RBM33: variants seen among roughly 807,000 people sequenced by gnomAD.
The protein encoded by RBM33 is RNA-binding protein 33.
Under a neutral mutation model 132.6 loss-of-function variants are expected in RBM33, and 28 were observed. That is an observed-to-expected ratio of 0.21 (90% CI 0.16 to 0.29). The LOEUF is 0.29. Ranked by LOEUF, RBM33 falls within the 10% of genes least tolerant of loss-of-function variation. The probability of loss-of-function intolerance (pLI) is 1.00; values close to 1 mark genes in which losing one functional copy is unlikely to be tolerated. For missense variants in RBM33, 1,291 were observed against 1,518.5 expected, an observed-to-expected ratio of 0.85 and a Z score of 2.49; for synonymous variants, 634 against 593.0, an observed-to-expected ratio of 1.07 and a Z score of -1.01.
In RBM33 at chr7:155,672,848, C is replaced by A. The variant is rs371744336; in HGVS notation, c.123-19C>A. On this transcript the variant is annotated intron_variant, in intron 2 of 17. Coordinates refer to ENST00000401878, the MANE Select transcript of RBM33 (RefSeq NM_053043.3). ...CTTATGGGAATAATCATTGACATGT[C>A]TCTTTTTTTTCTCCCAAGTGAACTT... 5.2e-6 allele frequency: 8 copies of A among 1,532,506 alleles called. No homozygotes were observed. The highest frequency in any genetic ancestry group is 1.2e-5 in the South Asian group (1 of 82,898). The allele number at this position is 1,532,506 out of a possible 1,614,324, so 94.9% of individuals were successfully genotyped here. A position where few individuals can be genotyped will look rare whatever the true frequency, so the allele number is the denominator to read the frequency against.
At chr7:155,646,745 T>G (rs1239991303) in intron 1 of RBM33, among the ~76,000 whole-genome samples, 1 of 152,202 alleles carries the variant, frequency 6.6e-6, no homozygotes. Flanking sequence ...CTTCAGAACG[T>G]TTATCTTAAT....
intron 8 of RBM33, among the ~76,000 whole-genome samples, chr7:155,716,162 C>T (rs1184377176): frequency 6.6e-6 from 1 of 152,172 alleles, no homozygotes; most frequent in African/African-American, 2.4e-5. Context: ...AGTCGGGCAG[C>T]CAGGGCCTGG....
At chr7:155,695,498 C>T (rs559056512) in intron 5 of RBM33, among the ~76,000 whole-genome samples, 9 of 152,184 alleles carry the variant, frequency 5.9e-5, no homozygotes, top group African/African-American at 1.7e-4. Context: ...CTCACTCTGG[C>T]GCCCAGGCTG....
At chr7:155,718,334 G>C (rs1585481998) in intron 8 of RBM33, 51 bp from the exon 9 acceptor site, 1 of 1,415,590 alleles carries the variant, frequency 7.1e-7, no homozygotes, top group Non-Finnish European at 1.0e-6. Flanking sequence ...TCTTACAGGG[G>C]TTTGAGTGTT....
At position 155,774,417 on chromosome 7, in the gene RBM33, C is replaced by A; in HGVS notation, c.3376-142C>A. ...ATAAGTAAGACAAATTGCCAGGGAGCTAGAAAGGAAAATCAATTAGTGTGT... is the reference window on the plus strand; with the variant it reads ...ATAAGTAAGACAAATTGCCAGGGAGATAGAAAGGAAAATCAATTAGTGTGT... On this transcript the variant is annotated intron_variant, in intron 16 of 17. Coordinates refer to ENST00000401878, the MANE Select transcript of RBM33 (RefSeq NM_053043.3). This position sits in a 1 kb window ranked among gnomAD's most constrained non-coding sequence, Gnocchi z 4.2. 1 of 607,534 alleles carries A rather than the reference C, an allele frequency of 1.6e-6. No homozygotes were observed. The highest frequency in any genetic ancestry group is 2.9e-6 in the Non-Finnish European group (1 of 348,208). The allele number at this position is 607,534 out of a possible 1,614,324, so 37.6% of individuals were successfully genotyped here.
At chr7:155,654,239 C>T (rs1405023460) in intron 1 of RBM33, among the ~76,000 whole-genome samples, 1 of 152,100 alleles carries the variant, frequency 6.6e-6, no homozygotes, top group Non-Finnish European at 1.5e-5. Flanking sequence ...GTCAACATGC[C>T]TTGGAATTTC....
chr7:155,766,722 T>C, intron 16 of RBM33, 67 bp downstream of exon 16: 1 of 1,479,336 alleles, frequency 6.8e-7, no homozygotes, highest in Non-Finnish European at 9.2e-7. Flanking sequence ...ATTTCTTGAT[T>C]TAAAACACAG....
chr7:155,762,843 G>A (rs1178345659), intron 14 of RBM33, among the ~76,000 whole-genome samples: 2 of 152,128 alleles, frequency 1.3e-5, no homozygotes, highest in African/African-American at 2.4e-5. Flanking sequence ...AGTGGGCCTC[G>A]TGCTAATAAA....
intron 14 of RBM33, among the ~76,000 whole-genome samples, chr7:155,747,212 T>G (rs1354586203): frequency 6.6e-6 from 1 of 152,252 alleles, no homozygotes; most frequent in Non-Finnish European, 1.5e-5. Context: ...AAAATTGTTT[T>G]CATATTATAT....
At chr7:155,729,144 A>C (rs1449824977) in intron 9 of RBM33, among the ~76,000 whole-genome samples, 1 of 152,168 alleles carries the variant, frequency 6.6e-6, no homozygotes, top group Non-Finnish European at 1.5e-5. Flanking sequence ...AGAGAGAGCA[A>C]AGTGGGGCAA....
In RBM33 at chr7:155,774,564, A is replaced by G. The variant is rs375787709; in HGVS notation, c.3381A>G (p.Leu1127=). ...LLMSVGPIQS[L]QMLPQQRKAI... is the part of the protein sequence containing the mutation. Reference sequence around the variant, plus strand: ...TGTTTGTTTTCTTCCTCTAGAGTTTACAGATGCTTCCTCAGCAACGGAAAG... The same window carrying G: ...TGTTTGTTTTCTTCCTCTAGAGTTTGCAGATGCTTCCTCAGCAACGGAAAG... The change falls in exon 17 of 18, where the codon TTA becomes TTG. Residue 1127 remains leucine (L), a synonymous_variant. Transcript: ENST00000401878. The surrounding 1 kb of genome is among the most constrained non-coding windows in gnomAD (Gnocchi z 4.2). 6.2e-7 allele frequency: 1 copy of G among 1,612,550 alleles called. No homozygotes were observed. Among genetic ancestry groups the G allele is most frequent in the African/African-American group, 1.3e-5 (1 of 74,910 alleles).
Position 155,677,132 on chromosome 7 carries a change from A to G in RBM33, c.172-1476A>G, listed in dbSNP as rs577448112. 2.0e-5 allele frequency among the ~76,000 whole-genome samples: 3 copies of G among 152,150 alleles called. No homozygotes were observed. In the East Asian group the frequency reaches 5.8e-4, roughly 29 times the overall value. ...GGCCTGGCTCATAGCTCTCACTTTC[A>G]TAATGGCATTTCCTTTCAGTCTCAG... On this transcript the variant is annotated intron_variant, in intron 3 of 17. Transcript: ENST00000401878.
At chr7:155,708,792 T>C (rs913684411) in intron 7 of RBM33, among the ~76,000 whole-genome samples, 7 of 152,212 alleles carry the variant, frequency 4.6e-5, no homozygotes, top group African/African-American at 1.7e-4. Context: ...TCCAACTGCG[T>C]TCTGTTACAT....
rs1014255305 is a variant in RBM33 at position 155,778,946 on chromosome 7, C to G, written c.*3905C>G. 1 of 152,838 alleles carries G rather than the reference C, an allele frequency of 6.5e-6. No homozygotes were observed. Among genetic ancestry groups the G allele is most frequent in the African/African-American group, 2.4e-5 (1 of 41,354 alleles). 9.5% of individuals were successfully genotyped at this position (152,838 alleles called of 1,614,324 possible). ...CACATCGTGGAGTCCTAGAAACTCT[C>G]TAGTCCCTGCGGCTGTTCCCCTCCT... On this transcript the variant is annotated 3_prime_UTR_variant, in exon 18 of 18. Transcript: ENST00000401878. The surrounding 1 kb of genome is among the most constrained non-coding windows in gnomAD (Gnocchi z 4.0).
intron 9 of RBM33, among the ~76,000 whole-genome samples, chr7:155,732,619 AT>A (rs1275465052): frequency 6.6e-6 from 1 of 152,208 alleles, no homozygotes; most frequent in Non-Finnish European, 1.5e-5. Context: ...AATAGTGAGA[AT>A]TTATATATAT....
chr7:155,746,221 A>G (rs1801512075), intron 14 of RBM33, among the ~76,000 whole-genome samples: 1 of 152,210 alleles, frequency 6.6e-6, no homozygotes, highest in Admixed American at 6.5e-5. Context: ...TTTCCTTTAC[A>G]CAAATCATTT....
intron 9 of RBM33, among the ~76,000 whole-genome samples, chr7:155,732,159 A>G (rs1430424593): frequency 6.6e-6 from 1 of 152,212 alleles, no homozygotes; most frequent in African/African-American, 2.4e-5. Context: ...TGAAGGGGAA[A>G]CTGAGCCGGG....
intron 1 of RBM33, among the ~76,000 whole-genome samples, chr7:155,645,400 T>G (rs1301942102): frequency 6.6e-6 from 1 of 152,256 alleles, no homozygotes; most frequent in Non-Finnish European, 1.5e-5. Flanking sequence ...TGTGAAGGAA[T>G]GTGCGACAGT....
intron 8 of RBM33, among the ~76,000 whole-genome samples, chr7:155,716,332 T>TTTTTTTTTTTTTTTTTTTTA (rs1554477955): frequency 6.7e-6 from 1 of 149,938 alleles, no homozygotes; most frequent in South Asian, 2.1e-4. Flanking sequence ...TTTTTTTTTT[T>TTTTTTTTTTTTTTTTTTTTA]AAATAGGGAA....
Sources: gnomAD v4.1 joint callset for allele counts (sites outside exome capture counted in the v4.1 genomes callset) on GRCh38, gnomAD v4.1.1 for gene constraint, Gnocchi (gnomAD v3.1) non-coding constraint, MANE v1.5 for transcripts, NCBI Gene and HGNC (gene_info 2026-07-23, HGNC 2026-07-21) for gene names.